PCDHA3: variants seen among roughly 807,000 people sequenced by gnomAD.
The protein encoded by PCDHA3 is protocadherin alpha 3.
In PCDHA3, 41 loss-of-function variants were observed where a neutral mutation model predicts 62.2. The ratio of observed to expected loss-of-function variants is 0.66; its 90% confidence interval spans 0.51 to 0.86. The LOEUF (loss-of-function observed/expected upper bound fraction) is 0.86, where lower values mean the gene tolerates loss of function less well. PCDHA3 is among the 40% of genes least tolerant of loss of function. PCDHA3 has a pLI of 0.00. For synonymous variants in PCDHA3, 640 were observed against 555.4 expected (o/e 1.15, Z -2.14); for missense variants, 1,304 against 1,241.2 (o/e 1.05, Z -0.76).
intron 1 of PCDHA3, among the ~76,000 whole-genome samples, chr5:140,935,364 G>A (rs1480423579): frequency 2.0e-5 from 3 of 152,008 alleles, no homozygotes; most frequent in African/African-American, 4.8e-5. Flanking sequence ...TTTCATTAAC[G>A]TCAACAGAAT....
At chr5:140,977,096 G>A (rs1401413424) in intron 1 of PCDHA3, among the ~76,000 whole-genome samples, 1 of 152,182 alleles carries the variant, frequency 6.6e-6, no homozygotes, top group East Asian at 1.9e-4. Flanking sequence ...TGTGTCATTG[G>A]GGAAGTGAGA....
At chr5:140,866,641 A>C (rs567516921) in intron 1 of PCDHA3, 3 of 152,226 alleles carry the variant, frequency 2.0e-5, no homozygotes, top group African/African-American at 2.4e-5. Flanking sequence ...ACGGTGTCAA[A>C]ATTTATTTAT....
At chr5:140,965,239 G>C (rs7722865) in intron 1 of PCDHA3, among the ~76,000 whole-genome samples, 9,112 of 152,230 alleles carry the variant, frequency 0.06, 825 homozygotes, top group African/African-American at 0.2. Context: ...CCTGGGAAGA[G>C]TGAATATTCA....
At chr5:140,947,998 T>C (rs2094201986) in intron 1 of PCDHA3, among the ~76,000 whole-genome samples, 1 of 122,112 alleles carries the variant, frequency 8.2e-6, no homozygotes, top group Admixed American at 8.2e-5. Flanking sequence ...AAATACTTTA[T>C]TAAATTTAGG....
chr5:140,963,395 C>T (rs544819387), intron 1 of PCDHA3, among the ~76,000 whole-genome samples: 4 of 152,322 alleles, frequency 2.6e-5, no homozygotes, highest in African/African-American at 7.2e-5. Flanking sequence ...AAGCTCCCTA[C>T]TGGATGCTGT....
In PCDHA3 at chr5:140,802,118, CAT is replaced by C; in HGVS notation, c.923_924del (p.Ile308ArgfsTer6). 1 of 1,614,190 alleles carries C rather than the reference CAT, an allele frequency of 6.2e-7. No individual in the cohort carries two copies. Among genetic ancestry groups the C allele is most frequent in the East Asian group, 2.2e-5 (1 of 44,892 alleles). On this transcript the variant is annotated frameshift_variant, in exon 1 of 4. Coordinates refer to ENST00000522353, the MANE Select transcript of PCDHA3 (RefSeq NM_018906.3). LOFTEE classifies it high-confidence loss of function. ...VNGQISVKGN[I>X]DFEESKSYEI... is the part of the protein sequence containing the mutation. ...ATGGACAAATCAGTGTAAAGGGTAA[CAT>C]AGATTTCGAGGAAAGTAAGTCATAT...
At chr5:140,870,849 G>A (rs2052464243) in intron 1 of PCDHA3, 2 of 1,613,878 alleles carry the variant, frequency 1.2e-6, no homozygotes, top group Non-Finnish European at 1.7e-6. Context: ...TAGTACCGCG[G>A]TCGGTGGGTG....
intron 1 of PCDHA3, chr5:140,823,463 C>A (rs2150126030): frequency 6.2e-7 from 1 of 1,613,428 alleles, no homozygotes; most frequent in Admixed American, 1.7e-5. Flanking sequence ...AACGCGCCGG[C>A]GCTGCTGGTG....
chr5:140,873,031 G>A (rs782124612), intron 1 of PCDHA3, among the ~76,000 whole-genome samples: 3 of 152,110 alleles, frequency 2.0e-5, no homozygotes, highest in East Asian at 1.9e-4. Context: ...CTTACTACAC[G>A]TAGAGTGGTG....
chr5:140,885,410 G>A (rs1203684049), intron 1 of PCDHA3, among the ~76,000 whole-genome samples: 3 of 152,088 alleles, frequency 2.0e-5, no homozygotes, highest in Non-Finnish European at 4.4e-5. Flanking sequence ...TTTAATAGCT[G>A]TGTAGTATTC....
intron 1 of PCDHA3, chr5:140,966,591 C>A (rs2096024240): frequency 1.7e-6 from 1 of 588,704 alleles, no homozygotes; most frequent in Non-Finnish European, 2.7e-6. Flanking sequence ...GACGGTGGGG[C>A]CAGGAGCCCT....
chr5:140,952,767 A>T (rs912245909), intron 1 of PCDHA3, among the ~76,000 whole-genome samples: 13 of 152,298 alleles, frequency 8.5e-5, no homozygotes, highest in African/African-American at 2.9e-4. Flanking sequence ...GAGACTGGAT[A>T]ATTTAGAAAG....
intron 1 of PCDHA3, among the ~76,000 whole-genome samples, chr5:140,891,237 T>C (rs2063002731): frequency 6.6e-6 from 1 of 152,210 alleles, no homozygotes; most frequent in South Asian, 2.1e-4. Flanking sequence ...CTGTTCTGGA[T>C]TCAGTAGGAT....
chr5:140,809,591 T>A (rs1554125312), intron 1 of PCDHA3: 1 of 1,536,038 alleles, frequency 6.5e-7, no homozygotes, highest in Non-Finnish European at 8.8e-7. Context: ...ATAACATCCT[T>A]TTGTTTAATT....
At chr5:140,857,620 C>G (rs782083775) in intron 1 of PCDHA3, 4 of 1,596,448 alleles carry the variant, frequency 2.5e-6, no homozygotes, top group Non-Finnish European at 3.4e-6. Context: ...CGCTGGACCA[C>G]GAGGAGCTGG....
At chr5:140,926,946 A>G in intron 1 of PCDHA3, 1 of 1,590,228 alleles carries the variant, frequency 6.3e-7, no homozygotes. Context: ...GCGGCGCTGC[A>G]GCGGGACAGC....
intron 2 of PCDHA3, among the ~76,000 whole-genome samples, chr5:140,980,627 T>C (rs1482574235): frequency 6.6e-6 from 1 of 151,860 alleles, no homozygotes; most frequent in African/African-American, 2.4e-5. Context: ...AGACTCTGTC[T>C]CAGAAGAATA....
chr5:140,900,276 A>G (rs1228583402), intron 1 of PCDHA3, among the ~76,000 whole-genome samples: 1 of 151,558 alleles, frequency 6.6e-6, no homozygotes, highest in Non-Finnish European at 1.5e-5. Context: ...TATATGTACC[A>G]CACTTTCTTT....
chr5:140,841,368 T>C (rs2150314322), intron 1 of PCDHA3: 15 of 1,613,308 alleles, frequency 9.3e-6, no homozygotes, highest in Non-Finnish European at 1.3e-5. Flanking sequence ...CGACTACTAC[T>C]CTTGCTTCTG....
Sources: allele counts gnomAD v4.1 joint callset (sites outside exome capture counted in the v4.1 genomes callset), GRCh38; gene constraint gnomAD v4.1.1; transcripts MANE v1.5; gene names NCBI Gene and HGNC (gene_info 2026-07-23, HGNC 2026-07-21).